The following UBN1 variants were observed in gnomAD, a reference collection of about 807,000 sequenced individuals.
The protein encoded by UBN1 is ubinuclein 1.
A neutral mutation model predicts 108.5 loss-of-function variants in UBN1; 17 were observed. The observed-to-expected ratio is 0.16, with a 90% CI of 0.11 to 0.24. UBN1 has a LOEUF of 0.24. Among genes scored for constraint, UBN1 ranks in the 10% least tolerant of loss-of-function variants. The pLI is 1.00. For missense variants in UBN1, 1,595 were observed against 1,394.4 expected (o/e 1.14, Z -2.29); for synonymous variants, 726 against 564.2 (o/e 1.29, Z -4.07).
intron 1 of UBN1, among the ~76,000 whole-genome samples, chr16:4,848,674 T>G (rs920661100): frequency 6.6e-6 from 1 of 152,238 alleles, no homozygotes; most frequent in Non-Finnish European, 1.5e-5. Context: ...TGCGTGTGTA[T>G]TTTTAAGACA....
intron 1 of UBN1, among the ~76,000 whole-genome samples, chr16:4,850,672 C>G (rs543496646): frequency 3.9e-5 from 6 of 152,192 alleles, no homozygotes; most frequent in Non-Finnish European, 8.8e-5. Flanking sequence ...ATTATTTTAA[C>G]TCTTCATTTG....
At chr16:4,863,051 T>C (rs1054186782) in intron 7 of UBN1, among the ~76,000 whole-genome samples, 2 of 152,126 alleles carry the variant, frequency 1.3e-5, no homozygotes, top group African/African-American at 4.8e-5. Context: ...ATTAAGAAAC[T>C]TTGAAAAATG....
intron 8 of UBN1, among the ~76,000 whole-genome samples, chr16:4,869,124 C>T (rs753741803): frequency 2.0e-5 from 3 of 152,174 alleles, no homozygotes; most frequent in Non-Finnish European, 4.4e-5. Flanking sequence ...CGATAGACCT[C>T]CTTGATCTTA....
Position 4,870,645 on chromosome 16 carries a change from C to A in UBN1, c.1430+11C>A, listed in dbSNP as rs2142243959. On this transcript the variant is annotated intron_variant, in intron 10 of 17. Coordinates refer to ENST00000262376, the MANE Select transcript of UBN1 (RefSeq NM_001079514.3). ...GGCAAAGGTTGCCAAGTAAGTTTGT[C>A]CTGGCGCTTGCAGGTGCAACCCTCC... 1.9e-6 allele frequency: 3 copies of A among 1,613,934 alleles called. No individual in the cohort carries two copies. In the East Asian group the frequency reaches 6.7e-5, roughly 36 times the overall value.
rs531063324 is a variant in UBN1, at chr16:4,875,409, G to A, written c.2999G>A (p.Ser1000Asn). The A allele has an allele frequency of 2.5e-6, 4 of 1,612,716 alleles. No individual in the cohort carries two copies. The highest frequency in any genetic ancestry group is 3.4e-6 in the Non-Finnish European group (4 of 1,179,054). ...TCCCTAAAGCCCTCTGCAGTTAGTA[G>A]TGTGACATCGTCTACCTCCTTGTCA... The part of the protein sequence containing the change: ...SPSLKPSAVS[S>N]VTSSTSLSKG... Residue 1000 changes from serine (S) to asparagine (N), a missense_variant, in exon 15 of 18, where the codon AGT (serine) becomes AAT (asparagine). This residue lies in a region of UBN1 where 1,398 missense variants were observed against 1,194.7 expected (regional missense o/e 1.17). Transcript: ENST00000262376.
intron 7 of UBN1, among the ~76,000 whole-genome samples, chr16:4,866,599 A>C (rs2087344504): frequency 6.6e-6 from 1 of 152,214 alleles, no homozygotes; most frequent in Non-Finnish European, 1.5e-5. Context: ...TGCAACCTCC[A>C]CGCCCAGGGC....
At chr16:4,854,390 C>T (rs375478947) in intron 2 of UBN1, among the ~76,000 whole-genome samples, 1 of 150,986 alleles carries the variant, frequency 6.6e-6, no homozygotes, top group Admixed American at 6.6e-5. Context: ...GTCACCCAGG[C>T]TGGAGTGCGG....
At chr16:4,867,928 G>C (rs1364852139) in intron 7 of UBN1, among the ~76,000 whole-genome samples, 2 of 152,176 alleles carry the variant, frequency 1.3e-5, no homozygotes, top group East Asian at 3.8e-4. Flanking sequence ...AGCAGCTCTT[G>C]GGTTGAGAGG....
intron 17 of UBN1, among the ~76,000 whole-genome samples, chr16:4,878,563 C>T (rs2087984568): frequency 6.6e-6 from 1 of 152,194 alleles, no homozygotes; most frequent in Non-Finnish European, 1.5e-5. Context: ...GCCTATAGCA[C>T]TAGTGACTCC....
rs36072146 is a variant in UBN1, at chr16:4,855,606, CAAA to C, written c.250-2364_250-2362del. On this transcript the variant is annotated intron_variant, in intron 2 of 17. Transcript: ENST00000262376. ...ACTGGGTGAAAGCAAGACCCTGTGTCAAAAAAAAAAAAAAAAAAAAAAGGCTGG... is the reference window on the plus strand; with the variant it reads ...ACTGGGTGAAAGCAAGACCCTGTGTCAAAAAAAAAAAAAAAAAAAGGCTGG... 4.3e-3 allele frequency among the ~76,000 whole-genome samples: 348 copies of C among 80,182 alleles called. 1 individual carries two copies. Among genetic ancestry groups the C allele is most frequent in the East Asian group, 0.018 (38 of 2,114 alleles). The allele number at this position is 80,182 out of a possible 152,430, so 52.6% of individuals were successfully genotyped here.
Position 4,873,695 on chromosome 16 carries a change from A to G in UBN1, c.1801-516A>G, listed in dbSNP as rs75428655. Among the ~76,000 whole-genome samples, 636 of 152,330 alleles carry G rather than the reference A, an allele frequency of 4.2e-3. 3 individuals carry two copies. The highest frequency in any genetic ancestry group is 0.015 in the African/African-American group (605 of 41,578). ...ACAATGTCCCAGACACACTGTATTA[A>G]GCACCAGGGATGCAGGAGTGAAGGA... On this transcript the variant is annotated intron_variant, in intron 14 of 17. Coordinates refer to ENST00000262376, the MANE Select transcript of UBN1 (RefSeq NM_001079514.3).
At chr16:4,852,683 T>G (rs1305304738) in intron 1 of UBN1, 196 bp from the exon 2 acceptor site, 1 of 479,682 alleles carries the variant, frequency 2.1e-6, no homozygotes. Flanking sequence ...ACTGGAAGTA[T>G]GCTAAGCAGT....
chr16:4,859,589 A>G (rs1284387262), intron 5 of UBN1, among the ~76,000 whole-genome samples: 1 of 152,228 alleles, frequency 6.6e-6, no homozygotes, highest in African/African-American at 2.4e-5. Context: ...CTATGTGTTT[A>G]AGATGAGAGG....
chr16:4,875,548 ACAGTGGGCT>A, intron 15 of UBN1, 114 bp downstream of exon 15: 1 of 1,423,148 alleles, frequency 7.0e-7, no homozygotes, highest in Non-Finnish European at 9.4e-7. Context: ...TCAGGTAGGA[ACAGTGGGCT>A]CAGACGTAGG....
intron 7 of UBN1, 62 bp from the exon 8 acceptor site, chr16:4,868,771 G>C: frequency 6.5e-7 from 1 of 1,547,162 alleles, no homozygotes; most frequent in Non-Finnish European, 8.9e-7. Context: ...GTGCCTGTGG[G>C]TGAGCGTAAG....
chr16:4,874,460 A>C lies in UBN1; in HGVS notation c.2050A>C (p.Asn684His), dbSNP rs1226197936. ...EAVSKELAALNSRAAGNSEFT... is the reference protein window; with the variant it reads ...EAVSKELAALHSRAAGNSEFT... ...CGTGTCCAAGGAATTGGCTGCATTGAATAGCAGAGCAGCTGGGAACTCTGA... is the reference window on the plus strand; with the variant it reads ...CGTGTCCAAGGAATTGGCTGCATTGCATAGCAGAGCAGCTGGGAACTCTGA... The change falls in exon 15 of 18, where the codon AAT (asparagine) becomes CAT (histidine). Residue 684 changes from asparagine to histidine, a missense_variant. By Grantham distance (68) the Asn-to-His change is moderately conservative (BLOSUM62 1). Around this residue, in one of 3 missense-constraint regions of UBN1, gnomAD observed 1,398 missense variants for 1,194.7 expected, o/e 1.17. Coordinates refer to ENST00000262376, the MANE Select transcript of UBN1 (RefSeq NM_001079514.3). 6.2e-7 allele frequency: 1 copy of C among 1,614,198 alleles called. No individual in the cohort carries two copies. Among genetic ancestry groups the C allele is most frequent in the Non-Finnish European group, 8.5e-7 (1 of 1,180,032 alleles).
chr16:4,856,750 A>G (rs982474605), intron 2 of UBN1, among the ~76,000 whole-genome samples: 1 of 152,216 alleles, frequency 6.6e-6, no homozygotes, highest in Admixed American at 6.5e-5. Flanking sequence ...GATTTCTTAC[A>G]GTTACATAAC....
At chr16:4,876,651 T>G (rs1288241064) in intron 15 of UBN1, among the ~76,000 whole-genome samples, 4 of 152,114 alleles carry the variant, frequency 2.6e-5, no homozygotes, top group Non-Finnish European at 5.9e-5. Flanking sequence ...TTAAAAAAAT[T>G]ATGTTCCCTG....
At chr16:4,865,513 AT>A (rs1463602420) in intron 7 of UBN1, among the ~76,000 whole-genome samples, 1 of 151,948 alleles carries the variant, frequency 6.6e-6, no homozygotes, top group Non-Finnish European at 1.5e-5. Flanking sequence ...AGAAAAAAAA[AT>A]CTAAAAATTA....
Sources: gnomAD v4.1 joint callset for allele counts (sites outside exome capture counted in the v4.1 genomes callset) on GRCh38, gnomAD v4.1.1 for gene constraint, gnomAD v4.1.1 regional missense constraint, MANE v1.5 for transcripts, NCBI Gene and HGNC (gene_info 2026-07-23, HGNC 2026-07-21) for gene names.